The following RBFOX1 variants were observed in gnomAD, a reference collection of about 807,000 sequenced individuals.
The protein encoded by RBFOX1 is RNA binding fox-1 homolog 1.
Under a neutral mutation model 57.7 loss-of-function variants are expected in RBFOX1, and 8 were observed. That is an observed-to-expected ratio of 0.14 (90% CI 0.08 to 0.25). The LOEUF (loss-of-function observed/expected upper bound fraction) is 0.25. Among genes scored for constraint, RBFOX1 ranks in the 10% least tolerant of loss-of-function variants. The pLI is 1.00. For synonymous variants in RBFOX1, 326 were observed against 222.4 expected (o/e 1.47, Z -4.15); for missense variants, 611 against 548.5 (o/e 1.11, Z -1.14).
chr16:7,442,920 G>T lies in RBFOX1; in HGVS notation c.28-75227G>T, dbSNP rs186690594. 3.9e-5 allele frequency among the ~76,000 whole-genome samples: 6 copies of T among 152,264 alleles called. No homozygotes were observed. In the East Asian group the frequency reaches 5.8e-4, roughly 15 times the overall value. On this transcript the variant is annotated intron_variant, in intron 4 of 15. Coordinates refer to ENST00000550418, the MANE Select transcript of RBFOX1 (RefSeq NM_018723.4). The stretch of plus-strand genomic sequence containing the variant: ...AAGGAGATGATTTGAGCCATTGCCT[G>T]TTCCTGACTAATGATCTTTTGTGGA...
At chr16:6,762,434 G>C (rs1419977751) in intron 3 of RBFOX1, among the ~76,000 whole-genome samples, 1 of 152,104 alleles carries the variant, frequency 6.6e-6, no homozygotes, top group Admixed American at 6.5e-5. Flanking sequence ...CACCGACAAT[G>C]AAATTATGGA....
Position 6,250,474 on chromosome 16 carries a change from G to C in RBFOX1, c.-126-66521G>C, listed in dbSNP as rs76826270. Among the ~76,000 whole-genome samples, 294 of 152,286 alleles carry C rather than the reference G, an allele frequency of 1.9e-3. 3 individuals carry two copies. Among genetic ancestry groups the C allele is most frequent in the African/African-American group, 6.7e-3 (277 of 41,572 alleles). On this transcript the variant is annotated intron_variant, in intron 1 of 15. Coordinates refer to ENST00000550418, the MANE Select transcript of RBFOX1 (RefSeq NM_018723.4). The stretch of plus-strand genomic sequence containing the variant: ...TGAGCAATGCTATGGACCTTGGGCA[G>C]AGCACAGGCAGTACATGGCTTGGCA...
intron 3 of RBFOX1, chr16:7,004,079 C>G (rs140800764): frequency 4.7e-5 from 7 of 148,754 alleles, no homozygotes; most frequent in African/African-American, 1.5e-4. Flanking sequence ...CTGTATCATT[C>G]TAGTTTTAGT....
At chr16:6,184,981 A>G (rs1306920360) in intron 1 of RBFOX1, among the ~76,000 whole-genome samples, 3 of 152,196 alleles carry the variant, frequency 2.0e-5, no homozygotes, top group Non-Finnish European at 4.4e-5. Flanking sequence ...GAGGAATTGC[A>G]GGTTTACACT....
intron 3 of RBFOX1, among the ~76,000 whole-genome samples, chr16:6,986,171 C>G (rs28752086): frequency 9.6e-6 from 1 of 104,706 alleles, no homozygotes; most frequent in African/African-American, 5.1e-5. Context: ...CTACCAGAAT[C>G]ACCAATTTCT....
intron 3 of RBFOX1, among the ~76,000 whole-genome samples, chr16:6,991,925 G>A (rs973184772): frequency 6.6e-6 from 1 of 152,182 alleles, no homozygotes; most frequent in African/African-American, 2.4e-5. Context: ...CAGAGTTTCT[G>A]ATTCAATCAA....
At chr16:6,374,544 C>T (rs1424892738) in intron 2 of RBFOX1, among the ~76,000 whole-genome samples, 3 of 151,894 alleles carry the variant, frequency 2.0e-5, no homozygotes, top group Non-Finnish European at 2.9e-5. Flanking sequence ...AGAAAATTTT[C>T]GTAATTGAAC....
chr16:7,047,047 CTT>C (rs57082046), intron 3 of RBFOX1, among the ~76,000 whole-genome samples: 467 of 124,338 alleles, frequency 3.8e-3, no homozygotes, highest in African/African-American at 0.011. Flanking sequence ...ATGCAATTTC[CTT>C]TTTTTTTTTT....
intron 3 of RBFOX1, among the ~76,000 whole-genome samples, chr16:6,917,439 T>G (rs538091416): frequency 2.8e-4 from 42 of 152,362 alleles, no homozygotes; most frequent in South Asian, 2.1e-4. Context: ...GTCCTTGATG[T>G]GTTTCATTTG....
At chr16:6,119,552 G>A (rs2096532918) in intron 1 of RBFOX1, among the ~76,000 whole-genome samples, 2 of 152,142 alleles carry the variant, frequency 1.3e-5, no homozygotes, top group Non-Finnish European at 2.9e-5. Flanking sequence ...CCCTGTACAT[G>A]TATTCATTGG....
At chr16:5,428,449 C>T (rs1441154089) in intron 1 of RBFOX1, among the ~76,000 whole-genome samples, 1 of 152,004 alleles carries the variant, frequency 6.6e-6, no homozygotes, top group Non-Finnish European at 1.5e-5. Context: ...TAAGCTAAAC[C>T]CCTGGGGAAT....
chr16:7,346,963 A>T (rs1319095518), intron 4 of RBFOX1, among the ~76,000 whole-genome samples: 1 of 152,202 alleles, frequency 6.6e-6, no homozygotes, highest in Non-Finnish European at 1.5e-5. Context: ...TGCATGAACA[A>T]TTGAATGCAC....
intron 2 of RBFOX1, among the ~76,000 whole-genome samples, chr16:6,641,029 C>A (rs914946672): frequency 2.6e-5 from 4 of 152,164 alleles, no homozygotes; most frequent in African/African-American, 9.7e-5. Context: ...ACTTGATGGG[C>A]GTAAACTCAC....
chr16:6,183,885 G>C (rs911595340), intron 1 of RBFOX1, among the ~76,000 whole-genome samples: 1 of 152,148 alleles, frequency 6.6e-6, no homozygotes, highest in Non-Finnish European at 1.5e-5. Context: ...ATTTAGCTTT[G>C]AGCAGGAAAA....
At chr16:6,947,088 G>C (rs971919489) in intron 3 of RBFOX1, among the ~76,000 whole-genome samples, 30 of 152,160 alleles carry the variant, frequency 2.0e-4, no homozygotes, top group African/African-American at 7.0e-4. Flanking sequence ...TCAGAGAATA[G>C]TTAAGAGGAT....
At chr16:5,799,352 T>C (rs1326032423) in intron 3 of RBFOX1, among the ~76,000 whole-genome samples, 1 of 152,088 alleles carries the variant, frequency 6.6e-6, no homozygotes, top group African/African-American at 2.4e-5. Context: ...AGCCAAACCA[T>C]ATCAAGGGAG....
At chr16:5,484,115 G>A (rs2069644002) in intron 2 of RBFOX1, among the ~76,000 whole-genome samples, 1 of 152,236 alleles carries the variant, frequency 6.6e-6, no homozygotes, top group African/African-American at 2.4e-5. Flanking sequence ...AGGCCGCAGT[G>A]AGCTGTGATC....
chr16:6,626,211 A>C (rs1477843219), intron 2 of RBFOX1, among the ~76,000 whole-genome samples: 1 of 150,280 alleles, frequency 6.7e-6, no homozygotes, highest in Non-Finnish European at 1.5e-5. Context: ...CATCAGATTG[A>C]ACATTTATGC....
At chr16:5,540,763 C>G (rs1166987999) in intron 2 of RBFOX1, among the ~76,000 whole-genome samples, 1 of 152,170 alleles carries the variant, frequency 6.6e-6, no homozygotes, top group East Asian at 1.9e-4. Flanking sequence ...GGACTAGCAG[C>G]GTCAGAATCA....
Sources: allele counts gnomAD v4.1 joint callset (sites outside exome capture counted in the v4.1 genomes callset), GRCh38; gene constraint gnomAD v4.1.1; transcripts MANE v1.5; gene names NCBI Gene and HGNC (gene_info 2026-07-23, HGNC 2026-07-21).